Variants in NCKAP5 observed in about 807,000 individuals in gnomAD.
NCKAP5 encodes NCK associated protein 5.
Under a neutral mutation model 167.0 loss-of-function variants are expected in NCKAP5, and 92 were observed. The observed-to-expected ratio is 0.55, with a 90% CI of 0.47 to 0.66. The LOEUF is 0.66. NCKAP5 is among the 30% of genes least tolerant of loss of function. NCKAP5 has a pLI of 0.00. For missense variants in NCKAP5, 2,378 were observed against 2,315.0 expected (o/e 1.03, Z -0.56); for synonymous variants, 891 against 877.4 (o/e 1.02, Z -0.27).
chr2:133,355,560 T>C (rs1301536043), intron 3 of NCKAP5, among the ~76,000 whole-genome samples: 1 of 152,212 alleles, frequency 6.6e-6, no homozygotes, highest in Non-Finnish European at 1.5e-5. Flanking sequence ...TCATTTTTAG[T>C]CAAAAGATCT....
At chr2:133,586,546 A>G in the NCKAP5 span, among the ~76,000 whole-genome samples, 1 of 152,140 alleles carries the variant, frequency 6.6e-6, no homozygotes, top group African/African-American at 2.4e-5. Flanking sequence ...CAGTGCTACC[A>G]ATGGGTTCTC....
intron 3 of NCKAP5, among the ~76,000 whole-genome samples, chr2:133,419,276 G>T (rs1328977701): frequency 6.6e-6 from 1 of 152,188 alleles, no homozygotes; most frequent in Non-Finnish European, 1.5e-5. Flanking sequence ...AAGAGTAATG[G>T]AATTAGTAGG....
At chr2:133,407,039 C>T (rs1688483353) in intron 3 of NCKAP5, among the ~76,000 whole-genome samples, 1 of 152,196 alleles carries the variant, frequency 6.6e-6, no homozygotes, top group South Asian at 2.1e-4. Flanking sequence ...AGAATATCCC[C>T]CTAAATGGGA....
chr2:132,918,632 G>A (rs147098056), intron 8 of NCKAP5, among the ~76,000 whole-genome samples: 15 of 152,130 alleles, frequency 9.9e-5, no homozygotes, highest in Non-Finnish European at 1.5e-4. Context: ...ATAAAATAAC[G>A]TTAACTTGAT....
chr2:132,801,832 T>C (rs763020828), intron 11 of NCKAP5, among the ~76,000 whole-genome samples: 1 of 152,230 alleles, frequency 6.6e-6, no homozygotes, highest in Non-Finnish European at 1.5e-5. Context: ...GGACTGACTG[T>C]CCTTTATCTG....
chr2:133,209,032 C>A (rs1385231395), intron 5 of NCKAP5, among the ~76,000 whole-genome samples: 1 of 151,394 alleles, frequency 6.6e-6, no homozygotes, highest in African/African-American at 2.4e-5. Flanking sequence ...CTGATCTCTA[C>A]CTCATGTCAA....
chr2:132,722,842 G>A (rs78066130), intron 19 of NCKAP5, among the ~76,000 whole-genome samples: 2 of 151,774 alleles, frequency 1.3e-5, no homozygotes, highest in African/African-American at 4.8e-5. Context: ...TTGAGACGGC[G>A]TCTTGCTGTG....
At chr2:133,466,303 A>G (rs1287259780) in intron 3 of NCKAP5, among the ~76,000 whole-genome samples, 121 of 148,626 alleles carry the variant, frequency 8.1e-4, no homozygotes, top group African/African-American at 2.9e-3. Flanking sequence ...CAGGTTTGTC[A>G]AAGATCAGAT....
At chr2:133,671,108 G>A in the NCKAP5 span, among the ~76,000 whole-genome samples, 7 of 151,494 alleles carry the variant, frequency 4.6e-5, no homozygotes, top group African/African-American at 9.7e-5. Flanking sequence ...CCAGCTACTC[G>A]GGAGGCTGAG....
intron 6 of NCKAP5, among the ~76,000 whole-genome samples, chr2:133,030,423 G>A (rs865927594): frequency 1.4e-4 from 22 of 152,126 alleles, no homozygotes; most frequent in African/African-American, 4.3e-4. Flanking sequence ...AGCCTGTGTC[G>A]AAAGGTCTCT....
chr2:133,127,379 G>A (rs2082437793), intron 6 of NCKAP5, among the ~76,000 whole-genome samples: 1 of 152,180 alleles, frequency 6.6e-6, no homozygotes, highest in African/African-American at 2.4e-5. Flanking sequence ...TTCTCTGGCT[G>A]TAACTGGACT....
At chr2:133,031,342 G>A (rs1047534586) in intron 6 of NCKAP5, among the ~76,000 whole-genome samples, 3 of 152,088 alleles carry the variant, frequency 2.0e-5, no homozygotes, top group African/African-American at 7.2e-5. Flanking sequence ...GTGCTATCTT[G>A]ATAGAGCAGA....
At chr2:132,794,014 T>A (rs988276443) in intron 12 of NCKAP5, among the ~76,000 whole-genome samples, 3 of 151,636 alleles carry the variant, frequency 2.0e-5, no homozygotes, top group Admixed American at 6.6e-5. Flanking sequence ...AGGCCATTTA[T>A]GAGGTTTAAA....
At chr2:133,546,608 G>A (rs1396716467) in intron 2 of NCKAP5, among the ~76,000 whole-genome samples, 13 of 152,048 alleles carry the variant, frequency 8.5e-5, no homozygotes, top group African/African-American at 2.9e-4. Context: ...AATGATTGAG[G>A]GATGCCCCCA....
chr2:132,869,951 A>G (rs1452722397), intron 9 of NCKAP5, among the ~76,000 whole-genome samples: 3 of 152,162 alleles, frequency 2.0e-5, no homozygotes, highest in African/African-American at 7.2e-5. Context: ...AATTCTTAGT[A>G]ATTTTTTCAG....
At chr2:133,088,031 C>T (rs1353195284) in intron 6 of NCKAP5, among the ~76,000 whole-genome samples, 1 of 152,210 alleles carries the variant, frequency 6.6e-6, no homozygotes, top group Non-Finnish European at 1.5e-5. Flanking sequence ...TATTTTCCCT[C>T]ACCATAACCT....
At chr2:132,965,836 G>C (rs2076644237) in intron 7 of NCKAP5, among the ~76,000 whole-genome samples, 1 of 151,344 alleles carries the variant, frequency 6.6e-6, no homozygotes, top group Non-Finnish European at 1.5e-5. Context: ...ACATAAAAAA[G>C]GTACAGTAAA....
chr2:133,660,140 C>T, the NCKAP5 span, among the ~76,000 whole-genome samples: 1 of 152,176 alleles, frequency 6.6e-6, no homozygotes, highest in South Asian at 2.1e-4. Context: ...CCTGTATTCT[C>T]ACCTGTCATC....
At chr2:133,039,846 A>G (rs1438433878) in intron 6 of NCKAP5, among the ~76,000 whole-genome samples, 1 of 152,214 alleles carries the variant, frequency 6.6e-6, no homozygotes, top group Non-Finnish European at 1.5e-5. Flanking sequence ...GATGGGCATT[A>G]GAAAATTAAA....
Sources: allele counts gnomAD v4.1 joint callset (sites outside exome capture counted in the v4.1 genomes callset), GRCh38; gene constraint gnomAD v4.1.1; transcripts MANE v1.5; gene names NCBI Gene and HGNC (gene_info 2026-07-23, HGNC 2026-07-21).